GAR1: variants seen among roughly 807,000 people sequenced by gnomAD.
GAR1 encodes the protein GAR1 ribonucleoprotein, also known as H/ACA ribonucleoprotein complex subunit 1.
Under a neutral mutation model 29.3 loss-of-function variants are expected in GAR1, and 11 were observed. That is an observed-to-expected ratio of 0.38 (90% CI 0.24 to 0.62). GAR1 has a LOEUF of 0.62. GAR1 is among the 20% of genes least tolerant of loss of function. The pLI is 0.62. For missense variants in GAR1, 237 were observed against 268.4 expected (o/e 0.88, Z 0.82); for synonymous variants, 87 against 93.3 (o/e 0.93, Z 0.39).
At chr4:109,820,573 A>T (rs1350260562) in intron 4 of GAR1, among the ~76,000 whole-genome samples, 3 of 145,410 alleles carry the variant, frequency 2.1e-5, no homozygotes, top group Non-Finnish European at 4.6e-5. Flanking sequence ...ATTGCCAGTT[A>T]AAAAAAAAAA....
chr4:109,820,526 C>T (rs1733485272), intron 4 of GAR1, among the ~76,000 whole-genome samples: 1 of 151,836 alleles, frequency 6.6e-6, no homozygotes, highest in Non-Finnish European at 1.5e-5. Context: ...GGGGCACCTC[C>T]TAAAACTAAA....
intron 5 of GAR1, 50 bp from the exon 6 acceptor site, chr4:109,823,915 T>G (rs1174492230): frequency 8.5e-7 from 1 of 1,177,102 alleles, no homozygotes. Context: ...ATTATTATAT[T>G]CTATTGTTAT....
chr4:109,824,389 C>G (rs1361548212), intron 6 of GAR1, 29 bp from the exon 7 acceptor site: 1 of 1,512,688 alleles, frequency 6.6e-7, no homozygotes, highest in Admixed American at 1.7e-5. Context: ...TTTTCTGTGC[C>G]CTTAATACTT....
At chr4:109,823,899 T>G in intron 5 of GAR1, 66 bp from the exon 6 acceptor site, 1 of 1,027,962 alleles carries the variant, frequency 9.7e-7, no homozygotes, top group Non-Finnish European at 1.5e-6. Context: ...AGTTAATAAC[T>G]TAATGATTAT....
chr4:109,818,706 A>G (rs1733422190), intron 3 of GAR1, among the ~76,000 whole-genome samples: 2 of 151,596 alleles, frequency 1.3e-5, no homozygotes, highest in South Asian at 4.2e-4. Flanking sequence ...CTGAGATTAC[A>G]GGTGAGCGCC....
At chr4:109,821,194 T>G (rs899003299) in intron 4 of GAR1, among the ~76,000 whole-genome samples, 2 of 152,218 alleles carry the variant, frequency 1.3e-5, no homozygotes, top group Admixed American at 1.3e-4. Context: ...CCCAGTAAAG[T>G]AGCTCTTAGC....
Position 109,823,948 on chromosome 4 carries a change from TAATA to T in GAR1, c.572-13_572-10del, listed in dbSNP as rs571302782. 1.8e-5 allele frequency: 28 copies of T among 1,540,060 alleles called. No homozygotes were observed. The African/African-American group carries it at 3.1e-4, about 17-fold the overall frequency. On this transcript the variant is annotated splice_polypyrimidine_tract_variant and intron_variant, in intron 5 of 6. Coordinates refer to ENST00000226796, the MANE Select transcript of GAR1 (RefSeq NM_018983.4). ...TATTTAAATACTTTGCGTTATTATT[TAATA>T]AATGTTTTTTAGGTGGTTTTAGAGG...
chr4:109,818,567 C>CTTTTT (rs34081446), intron 3 of GAR1, among the ~76,000 whole-genome samples: 2 of 123,778 alleles, frequency 1.6e-5, no homozygotes, highest in African/African-American at 3.0e-5. Flanking sequence ...TTCTTTTTTC[C>CTTTTT]TTTTTTTTTT....
chr4:109,816,783 C>T (rs1733365469), intron 2 of GAR1, among the ~76,000 whole-genome samples: 1 of 152,014 alleles, frequency 6.6e-6, no homozygotes, highest in African/African-American at 2.4e-5. Flanking sequence ...CTTTTGAAGC[C>T]GGGAGTTAGA....
intron 3 of GAR1, among the ~76,000 whole-genome samples, chr4:109,818,348 G>A (rs1247617925): frequency 6.6e-6 from 1 of 151,956 alleles, no homozygotes; most frequent in Non-Finnish European, 1.5e-5. Context: ...GGATTAAGTT[G>A]GCTGATTTGG....
chr4:109,824,329 A>G (rs775798714), intron 6 of GAR1, 89 bp from the exon 7 acceptor site: 72 of 866,290 alleles, frequency 8.3e-5, no homozygotes, highest in Non-Finnish European at 1.2e-4. Context: ...TATTGGAACT[A>G]ATGCTGATTT....
chr4:109,824,132 G>A (rs1733591248), intron 6 of GAR1, 99 bp downstream of exon 6: 3 of 830,950 alleles, frequency 3.6e-6, no homozygotes, highest in Non-Finnish European at 6.0e-6. Context: ...CTGCCAGCAA[G>A]TATATAGAAC....
At chr4:109,821,456 A>G (rs564534989) in intron 4 of GAR1, among the ~76,000 whole-genome samples, 1 of 152,352 alleles carries the variant, frequency 6.6e-6, no homozygotes, top group Non-Finnish European at 1.5e-5. Flanking sequence ...TGTTTTATGT[A>G]GAAGAACTAT....
At position 109,822,444 on chromosome 4, in the gene GAR1, G is replaced by A. The variant is rs1158226770; in HGVS notation, c.527G>A (p.Arg176Gln). 8.1e-6 allele frequency: 13 copies of A among 1,605,150 alleles called. No individual in the cohort carries two copies. Among genetic ancestry groups the A allele is most frequent in the Admixed American group, 1.7e-5 (1 of 59,506 alleles). Reference protein sequence around the residue: ...GPPRGGGRGGRGGGRGGGGRG... With the variant: ...GPPRGGGRGGQGGGRGGGGRG... ...CCAAGAGGTGGTGGCAGGGGAGGCC[G>A]AGGAGGAGGAAGAGGAGGAGGTGGC... Residue 176 changes from arginine (R) to glutamine (Q), a missense_variant, in exon 5 of 7, where the codon CGA becomes CAA. Transcript: ENST00000226796.
At chr4:109,823,873 A>G (rs533657355) in intron 5 of GAR1, 92 bp from the exon 6 acceptor site, 12 of 745,024 alleles carry the variant, frequency 1.6e-5, no homozygotes, top group Admixed American at 1.1e-4. Context: ...AGGCTTATCA[A>G]TATAAGAGGT....
chr4:109,816,699 T>C (rs1733363027), intron 2 of GAR1, among the ~76,000 whole-genome samples: 1 of 152,168 alleles, frequency 6.6e-6, no homozygotes, highest in Non-Finnish European at 1.5e-5. Context: ...ATTAGTGATA[T>C]AGCTGAAATA....
In GAR1 at chr4:109,816,371, T is replaced by G. The variant is rs1255677230; in HGVS notation, c.207T>G (p.Arg69=). 6.2e-7 allele frequency: 1 copy of G among 1,613,640 alleles called. No individual in the cohort carries two copies. Among genetic ancestry groups the G allele is most frequent in the Non-Finnish European group, 8.5e-7 (1 of 1,179,850 alleles). The change falls in exon 2 of 7, where the codon CGT becomes CGG. Residue 69 remains arginine, a synonymous_variant. Transcript: ENST00000226796. ...NKGQDQGPPE[R]VVLLGEFLHP... ...GCCAAGACCAAGGACCTCCAGAACG[T>G]GTAGTCTGTATGCAGTCTTCAGTAT...
Position 109,824,496 on chromosome 4 carries a change from T to C in GAR1, c.*65T>C. On this transcript the variant is annotated 3_prime_UTR_variant, in exon 7 of 7. Transcript: ENST00000226796. ...TAACCTGCATGATCTGTTTCTACTA[T>C]GGATTGGAAACTTGTTTCTTGAACA... 7 of 1,208,854 alleles carry C rather than the reference T, an allele frequency of 5.8e-6. No homozygotes were observed. The highest frequency in any genetic ancestry group is 2.5e-5 in the South Asian group (2 of 79,734). The allele number at this position is 1,208,854 out of a possible 1,614,324, so 74.9% of individuals were successfully genotyped here. A position where few individuals can be genotyped will look rare whatever the true frequency, so the allele number is the denominator to read the frequency against.
chr4:109,818,465 T>TTCTTTCTTTCTCTGTCTTTCTCTCTC (rs1460011775), intron 3 of GAR1, among the ~76,000 whole-genome samples: 3 of 149,420 alleles, frequency 2.0e-5, no homozygotes, highest in Non-Finnish European at 4.5e-5. Context: ...CTTTCTCTCT[T>TTCTTTCTTTCTCTGTCTTTCTCTCTC]TCTTTCTTTC....
Sources: allele counts gnomAD v4.1 joint callset (sites outside exome capture counted in the v4.1 genomes callset), GRCh38; gene constraint gnomAD v4.1.1; transcripts MANE v1.5; gene names NCBI Gene and HGNC (gene_info 2026-07-23, HGNC 2026-07-21).